Variants in CFDP1 observed in about 807,000 individuals in gnomAD.
The protein encoded by CFDP1 is heterochromatin-stabilizing protein CFDP1.
In CFDP1, 31 loss-of-function variants were observed where a neutral mutation model predicts 40.1. That is an observed-to-expected ratio of 0.77 (90% confidence interval 0.58 to 1.04). The LOEUF (loss-of-function observed/expected upper bound fraction) is 1.04, where lower values mean the gene tolerates loss of function less well. CFDP1 is among the 50% of genes least tolerant of loss of function. CFDP1 has a pLI of 0.00. For synonymous variants in CFDP1, 167 were observed against 120.0 expected (o/e 1.39, Z -2.56); for missense variants, 423 against 343.4 (o/e 1.23, Z -1.83).
chr16:75,375,761 A>C (rs1053190130), intron 5 of CFDP1, among the ~76,000 whole-genome samples: 4 of 149,650 alleles, frequency 2.7e-5, no homozygotes, highest in African/African-American at 7.4e-5. Flanking sequence ...ACTGTGCTCC[A>C]GCCTGGGCGA....
intron 5 of CFDP1, among the ~76,000 whole-genome samples, chr16:75,307,197 C>A (rs2078264622): frequency 6.6e-6 from 1 of 152,066 alleles, no homozygotes; most frequent in South Asian, 2.1e-4. Context: ...TGTCTCTTCA[C>A]TGACCCCTTT....
chr16:75,315,010 C>T (rs1030180692), intron 5 of CFDP1, among the ~76,000 whole-genome samples: 4 of 152,074 alleles, frequency 2.6e-5, no homozygotes, highest in African/African-American at 9.7e-5. Flanking sequence ...CCTCAGCCTC[C>T]CAAAGTGCAG....
At chr16:75,355,816 G>GT (rs1364891073) in intron 5 of CFDP1, among the ~76,000 whole-genome samples, 2 of 152,218 alleles carry the variant, frequency 1.3e-5, no homozygotes, top group African/African-American at 2.4e-5. Context: ...CGCCATGACT[G>GT]TAAGTTTCCT....
chr16:75,301,698 G>A (rs886268039), intron 6 of CFDP1: 27 of 151,782 alleles, frequency 1.8e-4, no homozygotes, highest in Non-Finnish European at 3.2e-4. Context: ...CTCAACCTTG[G>A]CTGTGCATGA....
chr16:75,351,255 T>C (rs534466527), intron 5 of CFDP1, among the ~76,000 whole-genome samples: 1 of 152,320 alleles, frequency 6.6e-6, no homozygotes, highest in Admixed American at 6.5e-5. Context: ...CAAAACATAA[T>C]TATTTACTCT....
chr16:75,433,178 G>GT, intron 1 of CFDP1, 111 bp downstream of exon 1: 1 of 954,012 alleles, frequency 1.0e-6, no homozygotes. Context: ...GAGAACAGGA[G>GT]CCCCCCTGGA....
intron 5 of CFDP1, among the ~76,000 whole-genome samples, chr16:75,340,989 C>A (rs1162315660): frequency 6.6e-6 from 1 of 152,090 alleles, no homozygotes; most frequent in East Asian, 1.9e-4. Context: ...AGTCTGTTTC[C>A]TGACTTGGAA....
At chr16:75,311,787 T>C (rs10163403) in intron 5 of CFDP1, among the ~76,000 whole-genome samples, 23 of 150,590 alleles carry the variant, frequency 1.5e-4, no homozygotes, top group Admixed American at 6.6e-4. Flanking sequence ...TTTTTTTTTT[T>C]CAAGAAAGAG....
At chr16:75,412,922 G>C (rs1277208095) in intron 2 of CFDP1, among the ~76,000 whole-genome samples, 168 bp from the exon 3 acceptor site, 1 of 130,266 alleles carries the variant, frequency 7.7e-6, no homozygotes, top group African/African-American at 2.9e-5. Flanking sequence ...TTTTATAGAA[G>C]AAAAAAAAAG....
intron 1 of CFDP1, among the ~76,000 whole-genome samples, chr16:75,424,243 A>C (rs962325756): frequency 2.0e-5 from 3 of 152,208 alleles, no homozygotes; most frequent in African/African-American, 7.2e-5. Flanking sequence ...AACTGGATGA[A>C]TTTCAGCCAT....
At chr16:75,312,056 C>G (rs994062829) in intron 5 of CFDP1, among the ~76,000 whole-genome samples, 9 of 152,202 alleles carry the variant, frequency 5.9e-5, no homozygotes, top group African/African-American at 2.2e-4. Flanking sequence ...CAACGTTTCT[C>G]TTTCGCATTT....
intron 6 of CFDP1, among the ~76,000 whole-genome samples, chr16:75,304,541 C>A (rs1480488816): frequency 1.3e-5 from 2 of 152,148 alleles, no homozygotes; most frequent in Admixed American, 1.3e-4. Context: ...GCCTATCACA[C>A]AGGCTATAGC....
At chr16:75,330,237 G>GCC (rs1567647586) in intron 5 of CFDP1, among the ~76,000 whole-genome samples, 1 of 152,200 alleles carries the variant, frequency 6.6e-6, no homozygotes, top group Non-Finnish European at 1.5e-5. Flanking sequence ...CAAGGCTGTG[G>GCC]ACTCAATTTA....
chr16:75,346,465 C>T lies in CFDP1; in HGVS notation c.651-41283G>A, dbSNP rs193103395. Among the ~76,000 whole-genome samples the T allele has an allele frequency of 2.3e-3, 356 of 151,516 alleles. 1 individual carries two copies. Among genetic ancestry groups the T allele is most frequent in the Admixed American group, 5.6e-3 (85 of 15,184 alleles). ...GGGCGTGGTGGTGGGTGCTTGTAGT[C>T]CCAGCTACTCGGGAGGCTAAGGCAG... On this transcript the variant is annotated intron_variant, in intron 5 of 6. Transcript: ENST00000283882.
At chr16:75,299,879 G>A (rs1032536425) in intron 6 of CFDP1, among the ~76,000 whole-genome samples, 6 of 152,138 alleles carry the variant, frequency 3.9e-5, no homozygotes, top group Non-Finnish European at 7.4e-5. Context: ...GTACTCTAGA[G>A]TGCCATCCGC....
At chr16:75,421,073 TC>T (rs1031324164) in intron 1 of CFDP1, among the ~76,000 whole-genome samples, 6 of 152,196 alleles carry the variant, frequency 3.9e-5, no homozygotes, top group African/African-American at 1.4e-4. Flanking sequence ...CTGGAGAATC[TC>T]CGGCCAGCCA....
At chr16:75,369,301 A>G (rs1363861162) in intron 5 of CFDP1, among the ~76,000 whole-genome samples, 4 of 152,114 alleles carry the variant, frequency 2.6e-5, no homozygotes, top group Non-Finnish European at 4.4e-5. Context: ...CCTGTAATCC[A>G]AGCACTTTAG....
intron 1 of CFDP1, among the ~76,000 whole-genome samples, chr16:75,430,100 T>C (rs1367732460): frequency 6.6e-6 from 1 of 152,158 alleles, no homozygotes; most frequent in East Asian, 1.9e-4. Context: ...TGGCAACAGG[T>C]TGAGTTTGCC....
At chr16:75,401,255 C>A (rs918930363) in intron 4 of CFDP1, among the ~76,000 whole-genome samples, 1 of 151,950 alleles carries the variant, frequency 6.6e-6, no homozygotes, top group Non-Finnish European at 1.5e-5. Flanking sequence ...AGTGAAACCC[C>A]GTCTCTACTA....
Sources: allele counts gnomAD v4.1 joint callset (sites outside exome capture counted in the v4.1 genomes callset), GRCh38; gene constraint gnomAD v4.1.1; transcripts MANE v1.5; gene names NCBI Gene and HGNC (gene_info 2026-07-23, HGNC 2026-07-21).